MEIOB: variants seen among roughly 807,000 people sequenced by gnomAD.
MEIOB encodes the protein meiosis specific with OB-fold, also known as meiosis-specific with OB domain-containing protein.
In MEIOB, 50 loss-of-function variants were observed where a neutral mutation model predicts 53.1. That is an observed-to-expected ratio of 0.94 (90% CI 0.75 to 1.19). MEIOB has a LOEUF of 1.19. Among genes scored for constraint, MEIOB ranks in the 50% most tolerant of loss-of-function variants. The pLI, the probability that MEIOB is intolerant of heterozygous loss-of-function variation, is 0.00. For missense variants in MEIOB, 551 were observed against 550.8 expected (o/e 1.00, Z 0.00); for synonymous variants, 192 against 182.5 (o/e 1.05, Z -0.42).
intron 6 of MEIOB, among the ~76,000 whole-genome samples, chr16:1,855,931 C>CTTTTT (rs34688365): frequency 1.5e-5 from 2 of 131,276 alleles, no homozygotes; most frequent in African/African-American, 5.6e-5. Context: ...GTGTTTTTTC[C>CTTTTT]TTTTTTTTTT....
chr16:1,842,641 A>AT (rs1181355139), intron 10 of MEIOB, among the ~76,000 whole-genome samples: 3 of 149,184 alleles, frequency 2.0e-5, no homozygotes, highest in Non-Finnish European at 4.5e-5. Context: ...CAGTGACTCG[A>AT]TTTTTTTTAT....
Position 1,852,090 on chromosome 16 carries a change from G to A in MEIOB, c.778+949C>T, listed in dbSNP as rs77367416. 8.9e-3 allele frequency among the ~76,000 whole-genome samples: 1,351 copies of A among 152,250 alleles called. 17 individuals are homozygous for A. Among genetic ancestry groups the A allele is most frequent in the African/African-American group, 0.032 (1,317 of 41,544 alleles). On this transcript the variant is annotated intron_variant, in intron 9 of 13. Transcript: ENST00000325962. The stretch of plus-strand genomic sequence containing the variant: ...CTAATGATACTACACAGAGAGTACT[G>A]TGTGCACGCATGCATGTGTTATCAA...
At chr16:1,852,032 G>T (rs187993914) in intron 9 of MEIOB, among the ~76,000 whole-genome samples, 1 of 152,148 alleles carries the variant, frequency 6.6e-6, no homozygotes, top group Non-Finnish European at 1.5e-5. Context: ...CCACTCCAGG[G>T]GATCATCTGG....
chr16:1,835,896 G>C (rs924224578), intron 13 of MEIOB, among the ~76,000 whole-genome samples: 1 of 145,576 alleles, frequency 6.9e-6, no homozygotes, highest in Admixed American at 7.0e-5. Flanking sequence ...GTCTCACTCT[G>C]TCACCCAGGC....
chr16:1,869,209 C>A (rs1056838710), intron 1 of MEIOB, among the ~76,000 whole-genome samples: 1 of 152,178 alleles, frequency 6.6e-6, no homozygotes, highest in Non-Finnish European at 1.5e-5. Context: ...ACCACAACAT[C>A]CGCCTCCCAG....
At chr16:1,859,262 C>T (rs1337170374) in intron 5 of MEIOB, among the ~76,000 whole-genome samples, 8 of 152,166 alleles carry the variant, frequency 5.3e-5, no homozygotes, top group Non-Finnish European at 1.5e-5. Flanking sequence ...AAAAGTTTGG[C>T]CAGGCGCGGT....
chr16:1,850,214 T>C (rs1021154355), intron 9 of MEIOB, among the ~76,000 whole-genome samples: 3 of 152,204 alleles, frequency 2.0e-5, no homozygotes, highest in African/African-American at 7.2e-5. Flanking sequence ...CAAATCTGTC[T>C]TTTAGAAACT....
intron 5 of MEIOB, 134 bp from the exon 6 acceptor site, chr16:1,858,064 A>G (rs1899354236): frequency 1.7e-6 from 1 of 603,954 alleles, no homozygotes. Context: ...TCTTAGAAAC[A>G]TTGAATAATA....
At position 1,857,908 on chromosome 16, in the gene MEIOB, C is replaced by A; in HGVS notation, c.355G>T (p.Glu119Ter). ...TPSNCKLLLS[E>*]NHSTVKVCSS... Reference sequence around the variant, plus strand: ...CAAACTTTTACTGTTGAGTGATTCTCACTGAGCAACAGTTTACAGTTGCTA... The same window carrying A: ...CAAACTTTTACTGTTGAGTGATTCTAACTGAGCAACAGTTTACAGTTGCTA... Residue 119 changes from glutamate (E) to a stop codon, truncating the protein, a stop_gained, in exon 6 of 14, where the codon GAG becomes TAG. Coordinates refer to ENST00000325962, the MANE Select transcript of MEIOB (RefSeq NM_001163560.3). LOFTEE classifies it high-confidence loss of function. 6.5e-7 allele frequency: 1 copy of A among 1,549,098 alleles called. No individual in the cohort carries two copies. Among genetic ancestry groups the A allele is most frequent in the South Asian group, 1.2e-5 (1 of 83,530 alleles).
intron 9 of MEIOB, among the ~76,000 whole-genome samples, chr16:1,852,307 G>A (rs2575360): frequency 0.83 from 120,276 of 144,680 alleles, 50,002 homozygotes; most frequent in Middle Eastern, 0.91. Flanking sequence ...TCTGTCGCCA[G>A]GCTGGAGCGC....
At chr16:1,870,982 A>G (rs967182840) in intron 1 of MEIOB, among the ~76,000 whole-genome samples, 1 of 150,854 alleles carries the variant, frequency 6.6e-6, no homozygotes, top group Non-Finnish European at 1.5e-5. Flanking sequence ...CCACATTTTT[A>G]CCCCTTAGCA....
At chr16:1,863,916 T>G (rs534035924) in intron 3 of MEIOB, among the ~76,000 whole-genome samples, 1 of 152,098 alleles carries the variant, frequency 6.6e-6, no homozygotes, top group Admixed American at 6.6e-5. Flanking sequence ...TCCCGGCACC[T>G]TGGGAGGCCA....
chr16:1,870,338 T>C (rs1280367902), intron 1 of MEIOB, among the ~76,000 whole-genome samples: 5 of 152,192 alleles, frequency 3.3e-5, no homozygotes, highest in Admixed American at 3.3e-4. Context: ...AAAGGTTCTA[T>C]TGTAGAAAAA....
intron 9 of MEIOB, among the ~76,000 whole-genome samples, chr16:1,848,125 T>C (rs1001375290): frequency 1.3e-5 from 2 of 149,556 alleles, no homozygotes; most frequent in Admixed American, 6.7e-5. Context: ...TTTTTTTTAA[T>C]TTTTTGTAGA....
intron 9 of MEIOB, among the ~76,000 whole-genome samples, chr16:1,849,632 C>T (rs569444185): frequency 7.9e-4 from 119 of 150,986 alleles, no homozygotes; most frequent in Admixed American, 1.3e-3. Flanking sequence ...CCTGCATGTT[C>T]GGCACATGTA....
At chr16:1,857,968 A>AAAATATTT in intron 5 of MEIOB, 38 bp from the exon 6 acceptor site, 1 of 1,339,714 alleles carries the variant, frequency 7.5e-7, no homozygotes, top group East Asian at 2.5e-5. Context: ...TTTGAAAGTG[A>AAAATATTT]TCTTTGGAAA....
chr16:1,853,890 C>T (rs1015699151), intron 7 of MEIOB, among the ~76,000 whole-genome samples: 9 of 152,202 alleles, frequency 5.9e-5, no homozygotes, highest in Admixed American at 5.2e-4. Context: ...TGGAGTCCCC[C>T]TAAGCAATTC....
At chr16:1,838,692 T>G (rs767077543) in intron 12 of MEIOB, among the ~76,000 whole-genome samples, 13 of 149,314 alleles carry the variant, frequency 8.7e-5, no homozygotes, top group Admixed American at 2.0e-4. Context: ...TAGTGTTTTG[T>G]TTTTTTTTTA....
chr16:1,836,987 G>A (rs1207872856), intron 13 of MEIOB, among the ~76,000 whole-genome samples: 3 of 152,138 alleles, frequency 2.0e-5, no homozygotes, highest in Non-Finnish European at 2.9e-5. Context: ...AACTAGGCTG[G>A]CTGGGTCCAG....
Sources: gnomAD v4.1 joint callset for allele counts (sites outside exome capture counted in the v4.1 genomes callset) on GRCh38, gnomAD v4.1.1 for gene constraint, MANE v1.5 for transcripts, NCBI Gene and HGNC (gene_info 2026-07-23, HGNC 2026-07-21) for gene names.